Variants in NRG2 observed in about 807,000 individuals in gnomAD.
NRG2 encodes neuregulin 2, also known as pro-neuregulin-2, membrane-bound isoform.
In NRG2, 27 loss-of-function variants were observed where a neutral mutation model predicts 73.9. That is an observed-to-expected ratio of 0.37 (90% CI 0.27 to 0.50). The LOEUF is 0.50. Among genes scored for constraint, NRG2 ranks in the 20% least tolerant of loss-of-function variants. The pLI, the probability that NRG2 is intolerant of heterozygous loss-of-function variation, is 0.96. For missense variants in NRG2, 1,126 were observed against 1,210.1 expected (o/e 0.93, Z 1.03); for synonymous variants, 532 against 541.0 (o/e 0.98, Z 0.23).
At chr5:139,950,367 G>T (rs1003411020) in intron 1 of NRG2, among the ~76,000 whole-genome samples, 2 of 152,202 alleles carry the variant, frequency 1.3e-5, no homozygotes, top group Admixed American at 1.3e-4. Flanking sequence ...TCACACCCAG[G>T]AGTATGATAC....
chr5:139,908,303 G>A (rs544065884), intron 1 of NRG2, among the ~76,000 whole-genome samples: 1 of 152,334 alleles, frequency 6.6e-6, no homozygotes, highest in East Asian at 1.9e-4. Context: ...GTGCAGGATG[G>A]ATGGGAAGGA....
intron 3 of NRG2, among the ~76,000 whole-genome samples, chr5:139,876,264 A>C (rs1282643848): frequency 6.6e-6 from 1 of 152,180 alleles, no homozygotes; most frequent in African/African-American, 2.4e-5. Context: ...CAGTCACAAA[A>C]GGCCACATAT....
At chr5:139,917,101 C>A (rs1314495417) in intron 1 of NRG2, among the ~76,000 whole-genome samples, 1 of 151,770 alleles carries the variant, frequency 6.6e-6, no homozygotes, top group Admixed American at 6.5e-5. Context: ...CTTTTTGATT[C>A]TAGCTATCCC....
chr5:139,939,030 AGAAG>A (rs753030686), intron 1 of NRG2, among the ~76,000 whole-genome samples: 4 of 151,322 alleles, frequency 2.6e-5, no homozygotes, highest in South Asian at 2.1e-4. Context: ...AAGCAAGGAA[AGAAG>A]GAAGGAAGGA....
chr5:139,972,963 G>A (rs1020192857), intron 1 of NRG2, among the ~76,000 whole-genome samples: 2 of 152,082 alleles, frequency 1.3e-5, no homozygotes, highest in African/African-American at 2.4e-5. Flanking sequence ...ATAACGTTTT[G>A]CATATCAGAT....
At chr5:139,984,126 G>A (rs1229264373) in intron 1 of NRG2, among the ~76,000 whole-genome samples, 1 of 151,884 alleles carries the variant, frequency 6.6e-6, no homozygotes, top group African/African-American at 2.4e-5. Context: ...TTACATTCTG[G>A]CACAGTAATC....
chr5:139,882,371 G>T (rs765556692), intron 2 of NRG2, among the ~76,000 whole-genome samples: 5 of 152,118 alleles, frequency 3.3e-5, no homozygotes, highest in Non-Finnish European at 7.4e-5. Flanking sequence ...TCCCAACAAG[G>T]GTGCTACAAG....
intron 1 of NRG2, among the ~76,000 whole-genome samples, chr5:139,990,970 G>A (rs986906878): frequency 6.6e-6 from 1 of 152,060 alleles, no homozygotes; most frequent in Admixed American, 6.6e-5. Flanking sequence ...TCTTTAAGCG[G>A]TCTTTTGGTA....
At chr5:140,005,717 C>T (rs945017591) in intron 1 of NRG2, among the ~76,000 whole-genome samples, 1 of 152,204 alleles carries the variant, frequency 6.6e-6, no homozygotes, top group Admixed American at 6.5e-5. Context: ...AGCCCCAGCT[C>T]CTCAGGCATC....
chr5:139,951,535 G>A (rs1754200593), intron 1 of NRG2, among the ~76,000 whole-genome samples: 1 of 152,096 alleles, frequency 6.6e-6, no homozygotes, highest in South Asian at 2.1e-4. Flanking sequence ...CCCTTTGGAA[G>A]TCTGATGGAA....
intron 1 of NRG2, among the ~76,000 whole-genome samples, chr5:139,921,516 C>T (rs371219823): frequency 7.9e-5 from 12 of 152,054 alleles, no homozygotes; most frequent in African/African-American, 7.2e-5. Context: ...TTACACCCAG[C>T]GGTGCTGGAA....
chr5:140,034,782 G>A (rs779498559), intron 1 of NRG2, among the ~76,000 whole-genome samples: 12 of 151,920 alleles, frequency 7.9e-5, no homozygotes, highest in South Asian at 2.1e-4. Flanking sequence ...AAAAAACCAC[G>A]AAACTTCCAG....
In NRG2 at chr5:139,856,785, T is replaced by C. The variant is rs1761833312; in HGVS notation, c.1190-1007A>G. ...TCTGATTCACAGGCAGACCCCTTCA[T>C]TCACGCACACACACCTGCACACACA... is the stretch of plus-strand genomic sequence containing the variant. On this transcript the variant is annotated intron_variant, in intron 5 of 9. Transcript: ENST00000361474. This position sits in a 1 kb window ranked among gnomAD's most constrained non-coding sequence, Gnocchi z 4.2. 1.3e-5 allele frequency among the ~76,000 whole-genome samples: 2 copies of C among 152,140 alleles called. No individual in the cohort carries two copies. The highest frequency in any genetic ancestry group is 2.4e-5 in the African/African-American group (1 of 41,432).
chr5:139,879,597 A>G (rs1462002210), intron 3 of NRG2, among the ~76,000 whole-genome samples: 1 of 152,202 alleles, frequency 6.6e-6, no homozygotes, highest in African/African-American at 2.4e-5. Flanking sequence ...GTTAGGCTGG[A>G]AAGATCATTT....
chr5:139,974,585 A>T (rs1031813594), intron 1 of NRG2, among the ~76,000 whole-genome samples: 4 of 152,068 alleles, frequency 2.6e-5, no homozygotes, highest in Admixed American at 6.5e-5. Context: ...ATAATTTTTT[A>T]AAAAATATAA....
At chr5:139,897,406 C>T (rs1230646354) in intron 1 of NRG2, among the ~76,000 whole-genome samples, 1 of 152,182 alleles carries the variant, frequency 6.6e-6, no homozygotes, top group Non-Finnish European at 1.5e-5. Context: ...CCCTCAAGAT[C>T]TCAGATGCCA....
intron 5 of NRG2, among the ~76,000 whole-genome samples, chr5:139,862,606 C>G (rs1370735347): frequency 1.3e-5 from 2 of 152,274 alleles, no homozygotes; most frequent in Non-Finnish European, 2.9e-5. Context: ...CCATGCCATA[C>G]AGTCATAGGC....
At chr5:140,039,237 ATT>A (rs1761732939) in intron 1 of NRG2, among the ~76,000 whole-genome samples, 1 of 152,174 alleles carries the variant, frequency 6.6e-6, no homozygotes, top group Non-Finnish European at 1.5e-5. Flanking sequence ...ATAGGGTGTA[ATT>A]ATACCAAAAT....
chr5:139,974,660 C>T (rs1227881120), intron 1 of NRG2, among the ~76,000 whole-genome samples: 1 of 152,196 alleles, frequency 6.6e-6, no homozygotes, highest in African/African-American at 2.4e-5. Flanking sequence ...ATTCCAGCCT[C>T]CTCTTCCTCC....
Sources: gnomAD v4.1 joint callset for allele counts (sites outside exome capture counted in the v4.1 genomes callset) on GRCh38, gnomAD v4.1.1 for gene constraint, Gnocchi (gnomAD v3.1) non-coding constraint, MANE v1.5 for transcripts, NCBI Gene and HGNC (gene_info 2026-07-23, HGNC 2026-07-21) for gene names.